Variants in ATXN7L1 observed in about 807,000 individuals in gnomAD.
ATXN7L1 encodes the protein ataxin 7 like 1, also known as ataxin-7-like protein 1.
In ATXN7L1, 15 loss-of-function variants were observed where a neutral mutation model predicts 70.8. That is an observed-to-expected ratio of 0.21 (90% CI 0.14 to 0.33). ATXN7L1 has a LOEUF of 0.33. ATXN7L1 is among the 10% of genes least tolerant of loss of function. The pLI is 1.00. For synonymous variants in ATXN7L1, 440 were observed against 445.1 expected (o/e 0.99, Z 0.14); for missense variants, 975 against 1,097.1 (o/e 0.89, Z 1.57).
chr7:105,648,778 C>T lies in ATXN7L1; in HGVS notation c.579-5657G>A, dbSNP rs576944640. On this transcript the variant is annotated intron_variant, in intron 4 of 11. Coordinates refer to ENST00000419735, the MANE Select transcript of ATXN7L1 (RefSeq NM_020725.2). ...CAGGAAAGTGTCCCAGCCTTGGGCA[C>T]GCCCCTTCCAGATGGCTGTGGACCC... 4.6e-5 allele frequency among the ~76,000 whole-genome samples: 7 copies of T among 152,344 alleles called. No individual in the cohort carries two copies. In the South Asian group the frequency reaches 1.0e-3, roughly 23 times the overall value.
In ATXN7L1 at chr7:105,639,526, G is replaced by A; in HGVS notation, c.906C>T (p.Pro302=). 4 of 1,551,224 alleles carry A rather than the reference G, an allele frequency of 2.6e-6. No homozygotes were observed. Among genetic ancestry groups the A allele is most frequent in the African/African-American group, 1.4e-5 (1 of 73,014 alleles). ...DPNKHCGVLD[P]ETKKPCTRSL... ...ATCTTGTGCAAGGTTTCTTTGTCTC[G>A]GGATCCAATACTCCACAGTGTTTAT... The change falls in exon 6 of 12, where the codon CCC becomes CCT. Residue 302 remains proline, a synonymous_variant. Coordinates refer to ENST00000419735, the MANE Select transcript of ATXN7L1 (RefSeq NM_020725.2).
intron 3 of ATXN7L1, among the ~76,000 whole-genome samples, chr7:105,727,738 G>GTA (rs1393486429): frequency 2.5e-5 from 1 of 39,970 alleles, no homozygotes; most frequent in Non-Finnish European, 3.9e-5. Flanking sequence ...GTGTGTGTGT[G>GTA]TATGTGTGTA....
chr7:105,723,295 T>C (rs1434605727), intron 3 of ATXN7L1, among the ~76,000 whole-genome samples: 3 of 152,228 alleles, frequency 2.0e-5, no homozygotes, highest in Non-Finnish European at 4.4e-5. Flanking sequence ...ATTGGAAATA[T>C]TGAGAGTTCC....
chr7:105,704,584 CTTTT>C (rs11329205), intron 3 of ATXN7L1, among the ~76,000 whole-genome samples: 57 of 89,496 alleles, frequency 6.4e-4, no homozygotes, highest in Non-Finnish European at 8.5e-4. Flanking sequence ...GGTTTTATCT[CTTTT>C]TTTTTTTTTT....
chr7:105,786,545 G>C (rs1253427586), intron 3 of ATXN7L1, among the ~76,000 whole-genome samples: 1 of 152,172 alleles, frequency 6.6e-6, no homozygotes, highest in East Asian at 1.9e-4. Context: ...TCTTGAGACA[G>C]GGTCTTGCTC....
At chr7:105,671,667 C>T (rs906979718) in intron 3 of ATXN7L1, among the ~76,000 whole-genome samples, 1 of 151,548 alleles carries the variant, frequency 6.6e-6, no homozygotes, top group Admixed American at 6.6e-5. Context: ...GAGGCTGAGG[C>T]GGGTGGATTG....
At chr7:105,668,558 A>T (rs1186030403) in intron 3 of ATXN7L1, among the ~76,000 whole-genome samples, 1 of 152,028 alleles carries the variant, frequency 6.6e-6, no homozygotes, top group African/African-American at 2.4e-5. Context: ...AGTAGCTGGG[A>T]TTATAGGCAT....
Position 105,744,008 on chromosome 7 carries a change from G to A in ATXN7L1, c.355+44596C>T, listed in dbSNP as rs1477768026. On this transcript the variant is annotated intron_variant, in intron 3 of 11. Transcript: ENST00000419735. ...CCCTTTAATGGGTTTGAAACAGCAC[G>A]TTGCAGCATGAGCTTGATGGCTGAG... Among the ~76,000 whole-genome samples, 9 of 152,160 alleles carry A rather than the reference G, an allele frequency of 5.9e-5. No individual in the cohort carries two copies. The East Asian group carries it at 1.4e-3, about 23-fold the overall frequency.
intron 2 of ATXN7L1, among the ~76,000 whole-genome samples, chr7:105,835,939 C>T (rs1244118784): frequency 6.6e-6 from 1 of 152,084 alleles, no homozygotes; most frequent in African/African-American, 2.4e-5. Context: ...AAAAAACCCT[C>T]AGAACTTTCT....
At chr7:105,717,636 C>A (rs989586638) in intron 3 of ATXN7L1, among the ~76,000 whole-genome samples, 1 of 152,086 alleles carries the variant, frequency 6.6e-6, no homozygotes, top group South Asian at 2.1e-4. Flanking sequence ...TAGTCAAATG[C>A]CCAACATGAA....
At chr7:105,771,967 T>C (rs192224822) in intron 3 of ATXN7L1, among the ~76,000 whole-genome samples, 5 of 149,388 alleles carry the variant, frequency 3.3e-5, no homozygotes, top group African/African-American at 1.2e-4. Flanking sequence ...AACGGAAATA[T>C]AAATTAGAAG....
At chr7:105,863,699 A>G (rs1487682153) in intron 2 of ATXN7L1, among the ~76,000 whole-genome samples, 1 of 151,994 alleles carries the variant, frequency 6.6e-6, no homozygotes, top group Non-Finnish European at 1.5e-5. Context: ...AAATCACTTG[A>G]CCTCTCTGAG....
At chr7:105,751,775 C>T (rs571996921) in intron 3 of ATXN7L1, among the ~76,000 whole-genome samples, 1 of 152,368 alleles carries the variant, frequency 6.6e-6, no homozygotes, top group Admixed American at 6.5e-5. Context: ...GACTACTCAT[C>T]TACCAAGGAT....
In ATXN7L1 at chr7:105,680,883, T is replaced by C. The variant is rs10238220; in HGVS notation, c.356-15595A>G. ...AGGACAGAGATGGGAACAGCTACTC[T>C]TGGGCCAGCTCTCCCAGAGCAATCT... On this transcript the variant is annotated intron_variant, in intron 3 of 11. Transcript: ENST00000419735. 9.5e-3 allele frequency among the ~76,000 whole-genome samples: 1,447 copies of C among 152,308 alleles called. 33 individuals are homozygous for C. The highest frequency in any genetic ancestry group is 0.033 in the African/African-American group (1,383 of 41,570).
intron 4 of ATXN7L1, among the ~76,000 whole-genome samples, chr7:105,643,594 G>T (rs1371796272): frequency 6.6e-6 from 1 of 152,228 alleles, no homozygotes; most frequent in African/African-American, 2.4e-5. Context: ...CTTAGCTCCG[G>T]AGTGCTGACA....
chr7:105,665,388 G>C, intron 3 of ATXN7L1, 100 bp from the exon 4 acceptor site: 1 of 974,918 alleles, frequency 1.0e-6, no homozygotes, highest in Non-Finnish European at 1.6e-6. Flanking sequence ...GGAGAGAAGC[G>C]CTTTCCCTAC....
Position 105,624,175 on chromosome 7 carries a change from A to C in ATXN7L1, c.1295T>G (p.Leu432Arg). The change falls in exon 8 of 12, where the codon CTC becomes CGC. Residue 432 changes from leucine to arginine, a missense_variant. Physicochemically the swap from Leu to Arg is moderately radical, Grantham distance 102. Around this residue, in one of 5 missense-constraint regions of ATXN7L1, gnomAD observed 635 missense variants for 699.4 expected, o/e 0.91. Transcript: ENST00000419735. ...TTCATCACTGGACAGTCGGCTGGCGAGGTCACCTCCAACCGGTGGGAGTGG... is the reference window on the plus strand; with the variant it reads ...TTCATCACTGGACAGTCGGCTGGCGCGGTCACCTCCAACCGGTGGGAGTGG... ...EPPLPPVGGD[L>R]ASRLSSDEGE... is the part of the protein sequence containing the mutation. The C allele has an allele frequency of 6.5e-7, 1 of 1,532,702 alleles. No individual in the cohort carries two copies. The highest frequency in any genetic ancestry group is 1.4e-5 in the African/African-American group (1 of 72,374). The allele number at this position is 1,532,702 out of a possible 1,614,324, so 94.9% of individuals were successfully genotyped here.
chr7:105,645,730 G>A (rs948776070), intron 4 of ATXN7L1, among the ~76,000 whole-genome samples: 4 of 151,770 alleles, frequency 2.6e-5, no homozygotes, highest in African/African-American at 9.7e-5. Flanking sequence ...GGAGAATGGC[G>A]TGAACCCAGG....
At chr7:105,815,302 C>T (rs1809029179) in intron 2 of ATXN7L1, among the ~76,000 whole-genome samples, 1 of 152,212 alleles carries the variant, frequency 6.6e-6, no homozygotes, top group East Asian at 1.9e-4. Context: ...GGTATGTACA[C>T]TGCAGGCTGA....
Sources: gnomAD v4.1 joint callset for allele counts (sites outside exome capture counted in the v4.1 genomes callset) on GRCh38, gnomAD v4.1.1 for gene constraint, gnomAD v4.1.1 regional missense constraint, MANE v1.5 for transcripts, NCBI Gene and HGNC (gene_info 2026-07-23, HGNC 2026-07-21) for gene names.